The following GPR137C variants were observed in gnomAD, a reference collection of about 807,000 sequenced individuals.
GPR137C encodes integral membrane protein GPR137C.
GPR137C carries 27 observed loss-of-function variants against 43.4 expected under a neutral mutation model. The ratio of observed to expected loss-of-function variants is 0.62; its 90% CI spans 0.46 to 0.86. GPR137C has a LOEUF of 0.86. GPR137C is among the 40% of genes least tolerant of loss of function. The pLI is 0.00. For missense variants in GPR137C, 522 were observed against 534.6 expected, an observed-to-expected ratio of 0.98 and a Z score of 0.23; for synonymous variants, 285 against 226.9, an observed-to-expected ratio of 1.26 and a Z score of -2.30.
intron 3 of GPR137C, among the ~76,000 whole-genome samples, chr14:52,608,649 T>C (rs769724811): frequency 1.8e-4 from 28 of 152,176 alleles, no homozygotes; most frequent in Non-Finnish European, 3.7e-4. Context: ...TCCCAGTTTT[T>C]GTTTGTGAAA....
chr14:52,608,588 T>C (rs2039007146), intron 3 of GPR137C, among the ~76,000 whole-genome samples: 1 of 152,228 alleles, frequency 6.6e-6, no homozygotes, highest in Non-Finnish European at 1.5e-5. Flanking sequence ...TTTCCTGTGG[T>C]TTAAAAAAAT....
intron 3 of GPR137C, among the ~76,000 whole-genome samples, chr14:52,628,101 A>G (rs941893936): frequency 6.6e-6 from 1 of 152,240 alleles, no homozygotes; most frequent in Non-Finnish European, 1.5e-5. Context: ...ATACTACATT[A>G]TGTTGAAACT....
chr14:52,623,929 GC>G (rs2039190623), intron 3 of GPR137C, among the ~76,000 whole-genome samples: 1 of 152,018 alleles, frequency 6.6e-6, no homozygotes, highest in African/African-American at 2.4e-5. Flanking sequence ...TTGTTGTGCA[GC>G]TGTGACTACT....
intron 2 of GPR137C, among the ~76,000 whole-genome samples, chr14:52,599,241 T>C (rs1037387939): frequency 2.2e-4 from 33 of 152,172 alleles, no homozygotes; most frequent in Admixed American, 2.0e-3. Context: ...GGAGTTCATG[T>C]GCAGAGTTGC....
rs974297778 is a variant in GPR137C at position 52,635,973 on chromosome 14, A to G, written c.*858A>G. 6.6e-6 allele frequency: 1 copy of G among 152,146 alleles called. No homozygotes were observed. Among genetic ancestry groups the G allele is most frequent in the Non-Finnish European group, 1.5e-5 (1 of 68,002 alleles). 9.4% of individuals were successfully genotyped at this position (152,146 alleles called of 1,614,324 possible). On this transcript the variant is annotated 3_prime_UTR_variant, in exon 7 of 7. Transcript: ENST00000321662. The stretch of plus-strand genomic sequence containing the variant: ...ATTATTCACAAAATGTGTAATTCTA[A>G]ATTAAAACATAAATATATTTTCAAA...
At chr14:52,587,221 A>T (rs750914867) in intron 1 of GPR137C, among the ~76,000 whole-genome samples, 2 of 152,222 alleles carry the variant, frequency 1.3e-5, no homozygotes, top group Non-Finnish European at 2.9e-5. Flanking sequence ...TGAGTAAGTT[A>T]TGGTCTTTCT....
chr14:52,594,792 T>C (rs965288642), intron 1 of GPR137C, among the ~76,000 whole-genome samples: 1 of 152,242 alleles, frequency 6.6e-6, no homozygotes, highest in Non-Finnish European at 1.5e-5. Context: ...CTGTGTCTTT[T>C]AACTGGGGGC....
chr14:52,612,560 A>G (rs2039049660), intron 3 of GPR137C: 1 of 972,882 alleles, frequency 1.0e-6, no homozygotes, highest in Non-Finnish European at 1.2e-6. Context: ...TATGATTTGC[A>G]TTACTTTTTT....
At chr14:52,578,225 A>G (rs889788716) in intron 1 of GPR137C, among the ~76,000 whole-genome samples, 5 of 152,150 alleles carry the variant, frequency 3.3e-5, no homozygotes, top group African/African-American at 9.7e-5. Context: ...TGTATTTTTT[A>G]GTTTAGGGAG....
chr14:52,591,515 C>T (rs1373692346), intron 1 of GPR137C, among the ~76,000 whole-genome samples: 2 of 152,180 alleles, frequency 1.3e-5, no homozygotes. Context: ...TTAATGATCA[C>T]CATTCTAACT....
intron 1 of GPR137C, among the ~76,000 whole-genome samples, chr14:52,567,352 A>G (rs1427955424): frequency 1.3e-5 from 2 of 152,342 alleles, no homozygotes; most frequent in East Asian, 1.9e-4. Flanking sequence ...AGAAAAGAGC[A>G]TCTCTAAAAT....
rs116139319 is a variant in GPR137C at position 52,565,941 on chromosome 14, G to T, written c.444+12350G>T. Among the ~76,000 whole-genome samples the T allele has an allele frequency of 4.3e-3, 655 of 152,210 alleles. 11 individuals are homozygous for T. The highest frequency in any genetic ancestry group is 0.015 in the African/African-American group (628 of 41,538). ...GGCCAGTTGTATAATTTGTAAAGTG[G>T]TTAGTCTCAGTGATATCTAAGATAC... On this transcript the variant is annotated intron_variant, in intron 1 of 6. Transcript: ENST00000321662.
chr14:52,562,544 G>A (rs1414153868), intron 1 of GPR137C, among the ~76,000 whole-genome samples: 2 of 152,124 alleles, frequency 1.3e-5, no homozygotes, highest in Non-Finnish European at 2.9e-5. Flanking sequence ...GATCACTTGA[G>A]CCCAGGAGAT....
At chr14:52,573,508 C>T (rs1231027425) in intron 1 of GPR137C, among the ~76,000 whole-genome samples, 1 of 152,186 alleles carries the variant, frequency 6.6e-6, no homozygotes, top group African/African-American at 2.4e-5. Context: ...GTTGGGAAAA[C>T]TGGCTAGCCA....
chr14:52,592,780 G>T (rs1314848603), intron 1 of GPR137C, among the ~76,000 whole-genome samples: 1 of 152,174 alleles, frequency 6.6e-6, no homozygotes, highest in Non-Finnish European at 1.5e-5. Flanking sequence ...TCTGCAAACA[G>T]GGACAATTTG....
chr14:52,589,956 TTAC>T (rs964604740), intron 1 of GPR137C, among the ~76,000 whole-genome samples: 1 of 152,198 alleles, frequency 6.6e-6, no homozygotes, highest in African/African-American at 2.4e-5. Flanking sequence ...GTTTATGTAT[TTAC>T]TATTATTTTA....
intron 3 of GPR137C, among the ~76,000 whole-genome samples, chr14:52,617,706 TGGA>T (rs2039115264): frequency 6.6e-6 from 1 of 151,710 alleles, no homozygotes; most frequent in South Asian, 2.1e-4. Context: ...AACAAAAAGA[TGGA>T]AATTTAGGAT....
At chr14:52,626,456 A>T (rs1053553431) in intron 3 of GPR137C, among the ~76,000 whole-genome samples, 1 of 141,242 alleles carries the variant, frequency 7.1e-6, no homozygotes, top group African/African-American at 2.7e-5. Flanking sequence ...CTTCATGATT[A>T]AAAAAAAAAA....
At chr14:52,601,292 G>A (rs1347758266) in intron 3 of GPR137C, among the ~76,000 whole-genome samples, 1 of 152,062 alleles carries the variant, frequency 6.6e-6, no homozygotes, top group East Asian at 1.9e-4. Flanking sequence ...AGTTGAGATA[G>A]TATCTTAGTT....
Sources: allele counts gnomAD v4.1 joint callset (sites outside exome capture counted in the v4.1 genomes callset), GRCh38; gene constraint gnomAD v4.1.1; transcripts MANE v1.5; gene names NCBI Gene and HGNC (gene_info 2026-07-23, HGNC 2026-07-21).